LARGE1: variants seen among roughly 807,000 people sequenced by gnomAD.
LARGE1 encodes the protein LARGE xylosyl- and glucuronyltransferase 1, also known as xylosyl- and glucuronyltransferase LARGE1.
In LARGE1, 43 loss-of-function variants were observed where a neutral mutation model predicts 87.6. That is an observed-to-expected ratio of 0.49 (90% CI 0.38 to 0.63). LARGE1 has a LOEUF of 0.63. Among genes scored for constraint, LARGE1 ranks in the 30% least tolerant of loss-of-function variants. The pLI is 0.00. For synonymous variants in LARGE1, 434 were observed against 394.6 expected, an observed-to-expected ratio of 1.10 and a Z score of -1.18; for missense variants, 802 against 1,000.2, an observed-to-expected ratio of 0.80 and a Z score of 2.67.
Position 33,735,686 on chromosome 22 carries a change from T to G in LARGE1, c.106+25685A>C, listed in dbSNP as rs546255247. On this transcript the variant is annotated intron_variant, in intron 2 of 14. Transcript: ENST00000397394. ...TATACCAAATAAGTCACCCTTTTAATGTGTACATTTCAGTGGTTTTTAGGG... is the reference window on the plus strand; with the variant it reads ...TATACCAAATAAGTCACCCTTTTAAGGTGTACATTTCAGTGGTTTTTAGGG... 2.0e-5 allele frequency among the ~76,000 whole-genome samples: 3 copies of G among 152,334 alleles called. No individual in the cohort carries two copies. In the South Asian group the frequency reaches 6.2e-4, roughly 32 times the overall value.
At chr22:33,814,532 T>C (rs976130301) in intron 1 of LARGE1, among the ~76,000 whole-genome samples, 2 of 152,278 alleles carry the variant, frequency 1.3e-5, no homozygotes, top group South Asian at 2.1e-4. Context: ...CTCAATTGTA[T>C]TGATGGGCCT....
chr22:33,091,171 A>G, the LARGE1 span, among the ~76,000 whole-genome samples: 2 of 152,174 alleles, frequency 1.3e-5, no homozygotes, highest in Non-Finnish European at 2.9e-5. Flanking sequence ...TATATCCAGC[A>G]TCAGATCTCT....
intron 3 of LARGE1, among the ~76,000 whole-genome samples, chr22:33,639,694 C>A (rs1016053803): frequency 2.6e-5 from 4 of 152,056 alleles, no homozygotes; most frequent in Non-Finnish European, 1.5e-5. Context: ...TTTTTTCTTC[C>A]GTACAATAGC....
At chr22:33,212,745 C>T (rs984199803) in intron 11 of LARGE1, among the ~76,000 whole-genome samples, 3 of 152,092 alleles carry the variant, frequency 2.0e-5, no homozygotes, top group South Asian at 2.1e-4. Context: ...GGGCCGGGTG[C>T]GGTAGCTCAT....
At chr22:33,577,876 T>A (rs535973876) in intron 5 of LARGE1, among the ~76,000 whole-genome samples, 2 of 152,190 alleles carry the variant, frequency 1.3e-5, no homozygotes, top group Non-Finnish European at 2.9e-5. Flanking sequence ...AAGGCAAAAG[T>A]CTCTTGGTGT....
intron 6 of LARGE1, among the ~76,000 whole-genome samples, chr22:33,555,646 G>T (rs76744319): frequency 0.034 from 5,208 of 152,144 alleles, 170 homozygotes; most frequent in African/African-American, 0.095. Context: ...GTAGATTGAA[G>T]GGCCAGGCGT....
intron 2 of LARGE1, among the ~76,000 whole-genome samples, chr22:33,656,037 G>A (rs534203498): frequency 5.3e-5 from 8 of 149,686 alleles, no homozygotes; most frequent in African/African-American, 2.0e-4. Flanking sequence ...GTAAAATGAG[G>A]GACATGGGAG....
At chr22:33,278,034 T>C (rs551765696) in intron 13 of LARGE1, among the ~76,000 whole-genome samples, 2 of 152,304 alleles carry the variant, frequency 1.3e-5, no homozygotes, top group African/African-American at 4.8e-5. Flanking sequence ...TGGTACATTA[T>C]ATGGCAGAAG....
intron 1 of LARGE1, among the ~76,000 whole-genome samples, chr22:33,854,214 A>T (rs897554298): frequency 1.3e-5 from 1 of 77,924 alleles, no homozygotes; most frequent in African/African-American, 6.5e-5. Context: ...CTTAAGGGGA[A>T]AAAAAAAAAA....
intron 1 of LARGE1, among the ~76,000 whole-genome samples, chr22:33,903,187 T>C (rs1418496285): frequency 6.6e-6 from 1 of 152,148 alleles, no homozygotes; most frequent in Non-Finnish European, 1.5e-5. Flanking sequence ...GGCCCTAATC[T>C]ACTATGACTG....
At chr22:33,180,393 A>AT (rs909889757) in intron 11 of LARGE1, among the ~76,000 whole-genome samples, 27 of 152,250 alleles carry the variant, frequency 1.8e-4, no homozygotes, top group Admixed American at 1.6e-3. Context: ...GCCCACAAGA[A>AT]TGGTTATGAT....
At chr22:33,819,683 C>A (rs1177845504) in intron 1 of LARGE1, among the ~76,000 whole-genome samples, 1 of 152,204 alleles carries the variant, frequency 6.6e-6, no homozygotes, top group Non-Finnish European at 1.5e-5. Context: ...CTCAACCACC[C>A]TTTCCACTTT....
chr22:33,572,139 G>T (rs1416217149), intron 5 of LARGE1: 2 of 1,068,336 alleles, frequency 1.9e-6, no homozygotes, highest in Admixed American at 2.3e-5. Flanking sequence ...AAAATAGATT[G>T]CTTACCCATA....
chr22:33,533,492 A>T (rs1480485082), intron 6 of LARGE1, among the ~76,000 whole-genome samples: 1 of 152,162 alleles, frequency 6.6e-6, no homozygotes, highest in Non-Finnish European at 1.5e-5. Context: ...TCTCGAGGCG[A>T]TGAGGCTAAT....
At chr22:33,651,217 T>TAAAAA (rs1242556127) in intron 2 of LARGE1, among the ~76,000 whole-genome samples, 1 of 21,920 alleles carries the variant, frequency 4.6e-5, no homozygotes, top group East Asian at 8.7e-4. Flanking sequence ...CGGTCTCTAC[T>TAAAAA]AAAAATACAA....
chr22:33,272,190 T>C (rs1193878098), downstream of LARGE1, among the ~76,000 whole-genome samples: 3 of 152,226 alleles, frequency 2.0e-5, no homozygotes, highest in Non-Finnish European at 4.4e-5. Flanking sequence ...AGGTTTTCAC[T>C]TGGCTCAAGT....
chr22:33,901,207 C>A (rs530250894), intron 1 of LARGE1, among the ~76,000 whole-genome samples: 1 of 152,230 alleles, frequency 6.6e-6, no homozygotes, highest in East Asian at 1.9e-4. Flanking sequence ...CTAGTGAGAA[C>A]CAGAAGGGTT....
chr22:33,540,227 G>C (rs1375930323), intron 6 of LARGE1, among the ~76,000 whole-genome samples: 1 of 152,086 alleles, frequency 6.6e-6, no homozygotes, highest in African/African-American at 2.4e-5. Flanking sequence ...CTCCTCCTTC[G>C]ACAAAAACAA....
intron 7 of LARGE1, among the ~76,000 whole-genome samples, chr22:33,398,770 A>C (rs2065837886): frequency 1.3e-5 from 2 of 152,204 alleles, no homozygotes; most frequent in African/African-American, 2.4e-5. Flanking sequence ...TATAAGAAGA[A>C]GAGATAGAGA....
Sources: allele counts gnomAD v4.1 joint callset (sites outside exome capture counted in the v4.1 genomes callset), GRCh38; gene constraint gnomAD v4.1.1; transcripts MANE v1.5; gene names NCBI Gene and HGNC (gene_info 2026-07-23, HGNC 2026-07-21).